The following AUTS2 variants were observed in gnomAD, a reference collection of about 807,000 sequenced individuals.
AUTS2 encodes autism susceptibility gene 2 protein.
Under a neutral mutation model 112.4 loss-of-function variants are expected in AUTS2, and 17 were observed. That is an observed-to-expected ratio of 0.15 (90% CI 0.10 to 0.23). The LOEUF is 0.23. AUTS2 is among the 10% of genes least tolerant of loss of function. The pLI is 1.00. For synonymous variants in AUTS2, 751 were observed against 702.7 expected, an observed-to-expected ratio of 1.07 and a Z score of -1.09; for missense variants, 1,510 against 1,701.6, an observed-to-expected ratio of 0.89 and a Z score of 1.98.
chr7:70,551,455 C>T (rs953850455), intron 5 of AUTS2, among the ~76,000 whole-genome samples: 1 of 152,150 alleles, frequency 6.6e-6, no homozygotes, highest in Non-Finnish European at 1.5e-5. Flanking sequence ...TGTAGTCTTC[C>T]TCCCAAAAAC....
chr7:69,825,744 G>C (rs1791213566), intron 1 of AUTS2: 1 of 152,120 alleles, frequency 6.6e-6, no homozygotes, highest in Non-Finnish European at 1.5e-5. Context: ...GTCCGTAAGG[G>C]AGCAGGTCCA....
chr7:69,716,189 G>A (rs1798599499), intron 1 of AUTS2, among the ~76,000 whole-genome samples: 1 of 151,944 alleles, frequency 6.6e-6, no homozygotes, highest in Non-Finnish European at 1.5e-5. Context: ...TCTTTGAAAT[G>A]TATAGGTTTT....
At chr7:70,039,145 C>G (rs961727694) in intron 2 of AUTS2, among the ~76,000 whole-genome samples, 4 of 152,050 alleles carry the variant, frequency 2.6e-5, no homozygotes, top group Non-Finnish European at 5.9e-5. Flanking sequence ...TGAAAAGTCC[C>G]CAGCACAGTG....
chr7:70,136,360 C>A (rs1334201314), intron 4 of AUTS2, among the ~76,000 whole-genome samples: 1 of 152,102 alleles, frequency 6.6e-6, no homozygotes, highest in Non-Finnish European at 1.5e-5. Context: ...AAATGCCCTG[C>A]TAGGATGTGT....
chr7:70,365,098 A>T (rs73173566), intron 4 of AUTS2, among the ~76,000 whole-genome samples: 9,830 of 152,208 alleles, frequency 0.065, 395 homozygotes, highest in African/African-American at 0.1. Flanking sequence ...TGTGAAAAAA[A>T]TTCTTTCTGC....
chr7:70,611,964 T>A (rs1804116104), intron 5 of AUTS2, among the ~76,000 whole-genome samples: 2 of 152,234 alleles, frequency 1.3e-5, no homozygotes, highest in African/African-American at 4.8e-5. Context: ...AGAAATGGGC[T>A]TACTTGAAGC....
chr7:69,792,646 T>C (rs1487803033), intron 1 of AUTS2, among the ~76,000 whole-genome samples: 2 of 152,200 alleles, frequency 1.3e-5, no homozygotes, highest in African/African-American at 4.8e-5. Flanking sequence ...TAATTTTTGA[T>C]ACAGCAGTGC....
intron 4 of AUTS2, among the ~76,000 whole-genome samples, chr7:70,263,972 T>C (rs943530016): frequency 1.3e-5 from 2 of 152,220 alleles, no homozygotes; most frequent in African/African-American, 2.4e-5. Context: ...CGGGGGGTCA[T>C]GTAATTTATT....
intron 5 of AUTS2, among the ~76,000 whole-genome samples, chr7:70,466,686 TA>T (rs1797177260): frequency 6.6e-6 from 1 of 152,232 alleles, no homozygotes; most frequent in Non-Finnish European, 1.5e-5. Context: ...ACCTGTTAAA[TA>T]AAATGTATCA....
chr7:70,401,236 C>G (rs1794313996), intron 4 of AUTS2, among the ~76,000 whole-genome samples: 1 of 152,162 alleles, frequency 6.6e-6, no homozygotes, highest in Non-Finnish European at 1.5e-5. Context: ...ACACCTGCTC[C>G]CCTTTCTGTG....
chr7:70,713,024 G>C (rs369651852), intron 6 of AUTS2, among the ~76,000 whole-genome samples: 1 of 152,182 alleles, frequency 6.6e-6, no homozygotes, highest in African/African-American at 2.4e-5. Flanking sequence ...GCCTACTCAT[G>C]TTTAGCGTGG....
At chr7:70,243,698 A>G (rs1042643004) in intron 4 of AUTS2, among the ~76,000 whole-genome samples, 1 of 152,176 alleles carries the variant, frequency 6.6e-6, no homozygotes, top group Non-Finnish European at 1.5e-5. Flanking sequence ...GATAACTGGC[A>G]GACAATTTGT....
At chr7:70,014,710 A>G (rs1194655188) in intron 2 of AUTS2, among the ~76,000 whole-genome samples, 1 of 152,188 alleles carries the variant, frequency 6.6e-6, no homozygotes, top group Non-Finnish European at 1.5e-5. Flanking sequence ...ACCTCTTCAA[A>G]TGACACATGC....
intron 6 of AUTS2, among the ~76,000 whole-genome samples, chr7:70,706,217 T>C (rs1563141204): frequency 6.6e-6 from 1 of 152,224 alleles, no homozygotes; most frequent in Non-Finnish European, 1.5e-5. Context: ...CGCAGGTTTC[T>C]TTGTTTTTAT....
At chr7:69,823,357 A>G (rs1791086024) in intron 1 of AUTS2, among the ~76,000 whole-genome samples, 1 of 152,000 alleles carries the variant, frequency 6.6e-6, no homozygotes, top group Non-Finnish European at 1.5e-5. Context: ...TTAAATCTGA[A>G]CTCCACTCAG....
At chr7:70,407,534 GTGTT>G (rs2130347695) in intron 4 of AUTS2, among the ~76,000 whole-genome samples, 1 of 152,304 alleles carries the variant, frequency 6.6e-6, no homozygotes, top group African/African-American at 2.4e-5. Flanking sequence ...AGTCTATAGT[GTGTT>G]TGTGTACATG....
At chr7:70,303,422 ACGCG>A (rs776005782) in intron 4 of AUTS2, among the ~76,000 whole-genome samples, 123 of 125,754 alleles carry the variant, frequency 9.8e-4, no homozygotes, top group African/African-American at 3.3e-3. Flanking sequence ...GCACACACAC[ACGCG>A]CGCGCGCGCA....
At chr7:70,008,063 T>G (rs1018524067) in intron 2 of AUTS2, among the ~76,000 whole-genome samples, 1 of 152,182 alleles carries the variant, frequency 6.6e-6, no homozygotes, top group Non-Finnish European at 1.5e-5. Flanking sequence ...GTTCAACAGT[T>G]AATTTTTTTG....
intron 4 of AUTS2, among the ~76,000 whole-genome samples, chr7:70,404,626 C>T (rs555308406): frequency 1.3e-5 from 2 of 152,246 alleles, no homozygotes; most frequent in South Asian, 4.1e-4. Context: ...CTTTGCTACC[C>T]ACTACCTTTT....
Sources: gnomAD v4.1 joint callset for allele counts (sites outside exome capture counted in the v4.1 genomes callset) on GRCh38, gnomAD v4.1.1 for gene constraint, MANE v1.5 for transcripts, NCBI Gene and HGNC (gene_info 2026-07-23, HGNC 2026-07-21) for gene names.